The following NTRK2 variants were observed in gnomAD, a reference collection of about 807,000 sequenced individuals.
NTRK2 encodes neurotrophic receptor tyrosine kinase 2, also known as BDNF/NT-3 growth factors receptor.
A neutral mutation model predicts 94.5 loss-of-function variants in NTRK2; 13 were observed. That is an observed-to-expected ratio of 0.14 (90% confidence interval 0.09 to 0.22). The LOEUF (loss-of-function observed/expected upper bound fraction) is 0.22, where lower values mean the gene tolerates loss of function less well. Among genes scored for constraint, NTRK2 ranks in the 10% least tolerant of loss-of-function variants. The pLI is 1.00. For synonymous variants in NTRK2, 372 were observed against 407.4 expected (o/e 0.91, Z 1.05); for missense variants, 639 against 1,071.2 (o/e 0.60, Z 5.63).
At chr9:84,724,420 G>C (rs780841679) in intron 8 of NTRK2, 64 bp downstream of exon 8, 8 of 1,597,358 alleles carry the variant, frequency 5.0e-6, no homozygotes, top group Non-Finnish European at 6.9e-6. Context: ...TACGTTTGTT[G>C]CTGGGGCACT....
At chr9:84,722,563 G>A (rs567103694) in intron 6 of NTRK2, among the ~76,000 whole-genome samples, 98 of 152,032 alleles carry the variant, frequency 6.4e-4, no homozygotes, top group African/African-American at 1.9e-3. Context: ...CATAGCTGTC[G>A]GGTGACTATA....
At chr9:84,872,423 A>T in intron 14 of NTRK2, 2 of 1,076,758 alleles carry the variant, frequency 1.9e-6, no homozygotes, top group Non-Finnish European at 2.3e-6. Context: ...TGTCCTCCCT[A>T]AAATTCTGTC....
At chr9:84,990,951 A>T (rs1291261971) in intron 17 of NTRK2, among the ~76,000 whole-genome samples, 1 of 152,056 alleles carries the variant, frequency 6.6e-6, no homozygotes, top group Non-Finnish European at 1.5e-5. Context: ...ATTGAAGAGG[A>T]TATAAAGGCT....
At chr9:84,775,614 A>AT (rs1296941997) in intron 12 of NTRK2, among the ~76,000 whole-genome samples, 1 of 152,100 alleles carries the variant, frequency 6.6e-6, no homozygotes, top group Non-Finnish European at 1.5e-5. Flanking sequence ...CAATATTGAT[A>AT]TTTTTCTCTT....
chr9:84,853,732 A>G (rs1002260989), intron 12 of NTRK2, among the ~76,000 whole-genome samples: 12 of 152,206 alleles, frequency 7.9e-5, no homozygotes, highest in African/African-American at 2.9e-4. Context: ...CTCAGCTCTC[A>G]CCACCCCAGC....
At chr9:84,823,614 G>T (rs1350966580) in intron 12 of NTRK2, among the ~76,000 whole-genome samples, 1 of 152,230 alleles carries the variant, frequency 6.6e-6, no homozygotes, top group East Asian at 1.9e-4. Context: ...AATGCCCCAT[G>T]CACAGGATAG....
At chr9:84,702,027 T>A in intron 2 of NTRK2, 132 bp from the exon 3 acceptor site, 1 of 774,942 alleles carries the variant, frequency 1.3e-6, no homozygotes, top group South Asian at 1.5e-5. Context: ...ACTGCTGTAT[T>A]TAAAAAAATG....
intron 12 of NTRK2, among the ~76,000 whole-genome samples, chr9:84,809,335 C>T (rs2071484114): frequency 6.6e-6 from 1 of 151,014 alleles, no homozygotes; most frequent in Non-Finnish European, 1.5e-5. Flanking sequence ...ATCACAGCGT[C>T]TACTGTTTGG....
At chr9:84,958,143 A>G (rs1824400962) in intron 17 of NTRK2, among the ~76,000 whole-genome samples, 1 of 152,152 alleles carries the variant, frequency 6.6e-6, no homozygotes, top group Non-Finnish European at 1.5e-5. Context: ...TTTGGGGGTG[A>G]TGAAAATGTG....
chr9:84,851,806 T>C (rs2074785033), intron 12 of NTRK2, among the ~76,000 whole-genome samples: 1 of 152,178 alleles, frequency 6.6e-6, no homozygotes, highest in African/African-American at 2.4e-5. Flanking sequence ...CATAATACAA[T>C]GGCAAAAAGT....
intron 13 of NTRK2, among the ~76,000 whole-genome samples, chr9:84,865,816 C>T (rs2075565817): frequency 6.6e-6 from 1 of 152,206 alleles, no homozygotes; most frequent in South Asian, 2.1e-4. Context: ...TGGGACCCTG[C>T]CTGTGTAATA....
At chr9:84,893,093 A>G (rs1030932442) in intron 14 of NTRK2, among the ~76,000 whole-genome samples, 1 of 152,088 alleles carries the variant, frequency 6.6e-6, no homozygotes, top group East Asian at 1.9e-4. Context: ...CTTGGTGAAT[A>G]CATGTTCCTG....
At chr9:84,763,127 A>G (rs2065731700) in intron 12 of NTRK2, among the ~76,000 whole-genome samples, 1 of 152,190 alleles carries the variant, frequency 6.6e-6, no homozygotes, top group Non-Finnish European at 1.5e-5. Flanking sequence ...TAGACATACT[A>G]TGCAGAGACA....
At chr9:84,681,428 T>G (rs2059384428) in intron 2 of NTRK2, among the ~76,000 whole-genome samples, 1 of 152,184 alleles carries the variant, frequency 6.6e-6, no homozygotes, top group South Asian at 2.1e-4. Context: ...TTTTAATATT[T>G]CCACTGACAT....
chr9:84,736,000 T>C (rs1428587957), intron 9 of NTRK2, among the ~76,000 whole-genome samples: 2 of 152,182 alleles, frequency 1.3e-5, no homozygotes, highest in East Asian at 1.9e-4. Flanking sequence ...ATAGCCCAAG[T>C]TGCAACAATT....
chr9:84,863,127 AG>A (rs1364559014), intron 13 of NTRK2, among the ~76,000 whole-genome samples: 20 of 152,348 alleles, frequency 1.3e-4, no homozygotes, highest in African/African-American at 4.6e-4. Context: ...GAATATAAAA[AG>A]GCTTGCTTAG....
intron 2 of NTRK2, among the ~76,000 whole-genome samples, chr9:84,679,915 AT>A (rs1041421426): frequency 5.9e-5 from 9 of 151,570 alleles, no homozygotes; most frequent in Non-Finnish European, 1.2e-4. Context: ...ACAAATTTTT[AT>A]TTTTTTCCCT....
chr9:84,678,197 C>T (rs1183728884), intron 2 of NTRK2, among the ~76,000 whole-genome samples: 2 of 152,196 alleles, frequency 1.3e-5, no homozygotes, highest in Admixed American at 6.5e-5. Flanking sequence ...CTTCCCTAAA[C>T]CACTATTTTA....
At chr9:84,952,904 G>A (rs548030592) in intron 16 of NTRK2, among the ~76,000 whole-genome samples, 2 of 152,310 alleles carry the variant, frequency 1.3e-5, no homozygotes, top group South Asian at 4.1e-4. Flanking sequence ...TTGCCTCTGA[G>A]AGATATTTAA....
Sources: allele counts gnomAD v4.1 joint callset (sites outside exome capture counted in the v4.1 genomes callset), GRCh38; gene constraint gnomAD v4.1.1; transcripts MANE v1.5; gene names NCBI Gene and HGNC (gene_info 2026-07-23, HGNC 2026-07-21).